FAM193A: variants seen among roughly 807,000 people sequenced by gnomAD.
FAM193A encodes the protein protein FAM193A.
A neutral mutation model predicts 126.5 loss-of-function variants in FAM193A; 22 were observed. That is an observed-to-expected ratio of 0.17 (90% CI 0.12 to 0.25). The LOEUF (loss-of-function observed/expected upper bound fraction) is 0.25, where lower values mean the gene tolerates loss of function less well. FAM193A is among the 10% of genes least tolerant of loss of function. The pLI is 1.00. For synonymous variants in FAM193A, 761 were observed against 646.8 expected, an observed-to-expected ratio of 1.18 and a Z score of -2.68; for missense variants, 1,675 against 1,672.8, an observed-to-expected ratio of 1.00 and a Z score of -0.02.
chr4:2,579,071 A>G (rs1190058165), intron 1 of FAM193A, among the ~76,000 whole-genome samples: 2 of 151,946 alleles, frequency 1.3e-5, no homozygotes, highest in Non-Finnish European at 2.9e-5. Flanking sequence ...TGTTGCCCAG[A>G]CTGGTCTTGA....
At chr4:2,722,249 T>C (rs189805766) in intron 20 of FAM193A, among the ~76,000 whole-genome samples, 222 of 152,228 alleles carry the variant, frequency 1.5e-3, no homozygotes, top group Non-Finnish European at 2.7e-3. Context: ...TAGTCTGCAG[T>C]CGACAAAACA....
intron 12 of FAM193A, among the ~76,000 whole-genome samples, chr4:2,667,146 TGTGGAGTGTTCAAGA>T (rs1713211493): frequency 1.3e-5 from 2 of 152,232 alleles, no homozygotes; most frequent in African/African-American, 4.8e-5. Flanking sequence ...GTTCTTGTTG[TGTGGAGTGTTCAAGA>T]AATGAAAGTT....
intron 1 of FAM193A, among the ~76,000 whole-genome samples, chr4:2,546,868 C>T (rs934101058): frequency 6.6e-6 from 1 of 152,180 alleles, no homozygotes; most frequent in Non-Finnish European, 1.5e-5. Flanking sequence ...TTTGCCTACT[C>T]ACGCAATGTC....
At chr4:2,686,208 CTGGGCTTCCGTTTTTG>C (rs1715722836) in intron 13 of FAM193A, among the ~76,000 whole-genome samples, 1 of 152,224 alleles carries the variant, frequency 6.6e-6, no homozygotes, top group Non-Finnish European at 1.5e-5. Context: ...GTCCCTACAA[CTGGGCTTCCGTTTTTG>C]AGTGTGTGGG....
intron 2 of FAM193A, among the ~76,000 whole-genome samples, chr4:2,606,757 C>CA (rs903129911): frequency 7.2e-5 from 11 of 152,128 alleles, no homozygotes; most frequent in African/African-American, 2.2e-4. Context: ...ATATTTGTTA[C>CA]AAAAAAATCA....
At chr4:2,624,093 A>G (rs895263036) in intron 2 of FAM193A, among the ~76,000 whole-genome samples, 1 of 151,806 alleles carries the variant, frequency 6.6e-6, no homozygotes, top group African/African-American at 2.4e-5. Flanking sequence ...GGGAGGAGGA[A>G]CCTAGGGTTG....
intron 1 of FAM193A, among the ~76,000 whole-genome samples, chr4:2,540,265 C>A (rs980932891): frequency 6.6e-6 from 1 of 151,838 alleles, no homozygotes; most frequent in African/African-American, 2.4e-5. Context: ...GTCAGGAGAT[C>A]GAGACCATCC....
intron 1 of FAM193A, among the ~76,000 whole-genome samples, chr4:2,589,823 G>C (rs1011970366): frequency 6.6e-6 from 1 of 152,222 alleles, no homozygotes; most frequent in South Asian, 2.1e-4. Flanking sequence ...CCCTGGACTT[G>C]AGTGCAGGTA....
At chr4:2,695,257 C>A in intron 17 of FAM193A, 128 bp downstream of exon 17, 2 of 717,408 alleles carry the variant, frequency 2.8e-6, no homozygotes, top group Non-Finnish European at 4.1e-6. Flanking sequence ...TGTAAAGAAA[C>A]AAAGAAAAAT....
At chr4:2,661,222 G>T (rs1373644123) in intron 10 of FAM193A, among the ~76,000 whole-genome samples, 1 of 152,264 alleles carries the variant, frequency 6.6e-6, no homozygotes, top group Non-Finnish European at 1.5e-5. Flanking sequence ...GCCTTCAGCA[G>T]CTTGTGATCA....
At chr4:2,576,888 C>T (rs1739617887) in intron 1 of FAM193A, among the ~76,000 whole-genome samples, 1 of 152,204 alleles carries the variant, frequency 6.6e-6, no homozygotes, top group Non-Finnish European at 1.5e-5. Context: ...CATGGAGATA[C>T]TGTAGCAGAT....
intron 1 of FAM193A, among the ~76,000 whole-genome samples, chr4:2,539,820 C>T (rs375514879): frequency 6.6e-6 from 1 of 152,098 alleles, no homozygotes; most frequent in Non-Finnish European, 1.5e-5. Flanking sequence ...ATTTTAGGGC[C>T]GGGCACCGTG....
intron 12 of FAM193A, among the ~76,000 whole-genome samples, chr4:2,664,907 CATTCCCAT>C (rs1415721950): frequency 6.6e-6 from 1 of 152,122 alleles, no homozygotes; most frequent in Admixed American, 6.6e-5. Flanking sequence ...AAGTTCTTTG[CATTCCCAT>C]ATAAATTTTA....
rs186776119 is a variant in FAM193A at position 2,694,034 on chromosome 4, G to T, written c.3092+160G>T. Among the ~76,000 whole-genome samples the T allele has an allele frequency of 7.8e-3, 1,195 of 152,304 alleles. 16 individuals are homozygous for T. Among genetic ancestry groups the T allele is most frequent in the African/African-American group, 0.027 (1,117 of 41,562 alleles). On this transcript the variant is annotated intron_variant, in intron 16 of 20. Transcript: ENST00000637812. ...GTCCCCAGCAGAGGCCATGGGTAGAGGGGGGCTCCCATCTCAGCCTGTAGT... is the reference window on the plus strand; with the variant it reads ...GTCCCCAGCAGAGGCCATGGGTAGATGGGGGCTCCCATCTCAGCCTGTAGT...
intron 1 of FAM193A, among the ~76,000 whole-genome samples, chr4:2,553,888 GCTCT>G (rs1738099556): frequency 6.6e-6 from 1 of 152,036 alleles, no homozygotes; most frequent in African/African-American, 2.4e-5. Flanking sequence ...CCCTGGGCAA[GCTCT>G]CTCTTTTTGC....
chr4:2,620,181 T>G (rs1293751527), intron 2 of FAM193A, among the ~76,000 whole-genome samples: 1 of 152,222 alleles, frequency 6.6e-6, no homozygotes, highest in Non-Finnish European at 1.5e-5. Context: ...TGATGAGTGC[T>G]ATAATGGGAC....
chr4:2,678,598 A>T (rs1482978063), intron 13 of FAM193A, among the ~76,000 whole-genome samples: 1 of 150,806 alleles, frequency 6.6e-6, no homozygotes, highest in African/African-American at 2.4e-5. Context: ...CCTGACCTCA[A>T]GTGATCCGCC....
At chr4:2,559,449 G>A (rs1241639299) in intron 1 of FAM193A, among the ~76,000 whole-genome samples, 2 of 152,124 alleles carry the variant, frequency 1.3e-5, no homozygotes, top group Non-Finnish European at 2.9e-5. Flanking sequence ...ATTTATTTCA[G>A]AGACAGGGTC....
At chr4:2,720,936 C>T (rs915472409) in intron 20 of FAM193A, among the ~76,000 whole-genome samples, 6 of 152,110 alleles carry the variant, frequency 3.9e-5, no homozygotes, top group African/African-American at 1.4e-4. Context: ...TGCTAGGAGA[C>T]CGAGGCAAGA....
Sources: gnomAD v4.1 joint callset for allele counts (sites outside exome capture counted in the v4.1 genomes callset) on GRCh38, gnomAD v4.1.1 for gene constraint, MANE v1.5 for transcripts, NCBI Gene and HGNC (gene_info 2026-07-23, HGNC 2026-07-21) for gene names.